The following PITPNM2 variants were observed in gnomAD, a reference collection of about 807,000 sequenced individuals.
PITPNM2 encodes membrane-associated phosphatidylinositol transfer protein 2.
PITPNM2 carries 35 observed loss-of-function variants against 132.2 expected under a neutral mutation model. The ratio of observed to expected loss-of-function variants is 0.26; its 90% confidence interval spans 0.20 to 0.35. The LOEUF is 0.35. Among genes scored for constraint, PITPNM2 ranks in the 10% least tolerant of loss-of-function variants. The pLI, the probability that PITPNM2 is intolerant of heterozygous loss-of-function variation, is 1.00. For synonymous variants in PITPNM2, 738 were observed against 799.2 expected, an observed-to-expected ratio of 0.92 and a Z score of 1.29; for missense variants, 1,332 against 1,912.0, an observed-to-expected ratio of 0.70 and a Z score of 5.66.
Position 123,031,904 on chromosome 12 carries a change from T to C in PITPNM2, c.78+2609A>G, listed in dbSNP as rs1357094798. Among the ~76,000 whole-genome samples, 3 of 152,190 alleles carry C rather than the reference T, an allele frequency of 2.0e-5. No homozygotes were observed. Among genetic ancestry groups the C allele is most frequent in the Non-Finnish European group, 4.4e-5 (3 of 68,032 alleles). ...AGCAGCAATGACTCCAGCTAGCCCT[T>C]AGAGGCCACAGTGTCTCTGCCTAGC... On this transcript the variant is annotated intron_variant, in intron 3 of 25. Transcript: ENST00000320201. This position sits in a 1 kb window ranked among gnomAD's most constrained non-coding sequence, Gnocchi z 4.5.
Position 123,023,991 on chromosome 12 carries a change from CACCTGTAG to C in PITPNM2, c.79-9957_79-9950del, listed in dbSNP as rs1183590528. On this transcript the variant is annotated intron_variant, in intron 3 of 25. Transcript: ENST00000320201. This position sits in a 1 kb window ranked among gnomAD's most constrained non-coding sequence, Gnocchi z 4.8. ...CAAAGGAGCTGGGCATGGTGCTGTA[CACCTGTAG>C]ACCTAGCTACTCCAGAGGTGAAGTT... is the stretch of plus-strand genomic sequence containing the variant. Among the ~76,000 whole-genome samples, 1 of 152,182 alleles carries C rather than the reference CACCTGTAG, an allele frequency of 6.6e-6. No homozygotes were observed. Among genetic ancestry groups the C allele is most frequent in the Non-Finnish European group, 1.5e-5 (1 of 68,040 alleles).
rs1427343575 is a variant in PITPNM2 at position 123,083,031 on chromosome 12, C to T, written c.-96+27354G>A. ...CACTGAGCATGTCTTATGGGTTCAT[C>T]CATGTGTCGTAGCATGTTCTTTTTA... On this transcript the variant is annotated intron_variant, in intron 2 of 25. Coordinates refer to ENST00000320201, the MANE Select transcript of PITPNM2 (RefSeq NM_020845.3). The surrounding 1 kb of genome is among the most constrained non-coding windows in gnomAD (Gnocchi z 4.5). 6.6e-6 allele frequency: 1 copy of T among 152,240 alleles called. No individual in the cohort carries two copies. The highest frequency in any genetic ancestry group is 1.5e-5 in the Non-Finnish European group (1 of 68,080). 9.4% of individuals were successfully genotyped at this position (152,240 alleles called of 1,614,324 possible).
chr12:123,026,160 T>C (rs922533292), intron 3 of PITPNM2, among the ~76,000 whole-genome samples: 1 of 152,228 alleles, frequency 6.6e-6, no homozygotes, highest in Non-Finnish European at 1.5e-5. Flanking sequence ...CACTTCTCTT[T>C]GGTGTCAATT....
At chr12:123,050,232 A>G (rs772803500) in intron 2 of PITPNM2, among the ~76,000 whole-genome samples, 4 of 152,196 alleles carry the variant, frequency 2.6e-5, no homozygotes, top group Non-Finnish European at 5.9e-5. Context: ...TGGGCCCTGA[A>G]TGAGATATGG....
chr12:123,007,282 G>A (rs1413635133), intron 6 of PITPNM2: 2 of 453,756 alleles, frequency 4.4e-6, no homozygotes, highest in Non-Finnish European at 8.9e-6. Context: ...GCATCCGTGT[G>A]TGTGTGAAAT....
chr12:123,017,236 G>C (rs2039462868), intron 3 of PITPNM2, among the ~76,000 whole-genome samples: 1 of 151,700 alleles, frequency 6.6e-6, no homozygotes, highest in African/African-American at 2.4e-5. Flanking sequence ...AGTCGTGTGT[G>C]GTGGCGCATG....
intron 1 of PITPNM2, among the ~76,000 whole-genome samples, chr12:123,114,264 C>T (rs546088362): frequency 1.3e-4 from 20 of 152,004 alleles, no homozygotes; most frequent in African/African-American, 4.8e-4. Context: ...ACAAGTAATG[C>T]ATCTGTATTT....
intron 2 of PITPNM2, among the ~76,000 whole-genome samples, chr12:123,059,596 G>T (rs1222974116): frequency 6.6e-6 from 1 of 152,238 alleles, no homozygotes; most frequent in Non-Finnish European, 1.5e-5. Flanking sequence ...CTCTTGGACA[G>T]TGGGAAGCTG....
At chr12:123,074,366 C>T (rs1275920474) in intron 2 of PITPNM2, among the ~76,000 whole-genome samples, 1 of 152,068 alleles carries the variant, frequency 6.6e-6, no homozygotes, top group Non-Finnish European at 1.5e-5. Context: ...TAAAGATGCC[C>T]AAATACAAAT....
At position 123,051,780 on chromosome 12, in the gene PITPNM2, A is replaced by G. The variant is rs2040863005; in HGVS notation, c.-95-17095T>C. On this transcript the variant is annotated intron_variant, in intron 2 of 25. Coordinates refer to ENST00000320201, the MANE Select transcript of PITPNM2 (RefSeq NM_020845.3). The stretch of plus-strand genomic sequence containing the variant: ...TTAGGATGAGGGTCTGTTTTTCCAG[A>G]GAGGGCTATATTTGCTCCAGCAAAT... Among the ~76,000 whole-genome samples, 2 of 152,202 alleles carry G rather than the reference A, an allele frequency of 1.3e-5. 1 individual carries two copies. The highest frequency in any genetic ancestry group is 4.1e-4 in the South Asian group (2 of 4,828).
intron 1 of PITPNM2, among the ~76,000 whole-genome samples, chr12:123,148,924 G>A (rs2137740077): frequency 6.6e-6 from 1 of 152,294 alleles, no homozygotes. Context: ...AGGCACCTGG[G>A]GAGAGGGAGG....
chr12:122,990,025 A>T, intron 17 of PITPNM2, 77 bp from the exon 18 acceptor site: 1 of 1,152,680 alleles, frequency 8.7e-7, no homozygotes, highest in Non-Finnish European at 1.1e-6. Context: ...GCCAGGCAGG[A>T]CACTGGGACA....
At chr12:123,085,825 C>G (rs1269842018) in intron 2 of PITPNM2, among the ~76,000 whole-genome samples, 1 of 152,214 alleles carries the variant, frequency 6.6e-6, no homozygotes, top group Non-Finnish European at 1.5e-5. Context: ...TAAAGCACAG[C>G]GCAGAGGCTC....
intron 3 of PITPNM2, among the ~76,000 whole-genome samples, chr12:123,018,903 C>A (rs1446203010): frequency 6.6e-6 from 1 of 151,452 alleles, no homozygotes. Context: ...CCTGCCTCAG[C>A]TGACCAAGTA....
Position 123,072,012 on chromosome 12 carries a change from G to A in PITPNM2, c.-95-37327C>T, listed in dbSNP as rs937624014. 2.0e-5 allele frequency among the ~76,000 whole-genome samples: 3 copies of A among 152,226 alleles called. No homozygotes were observed. The South Asian group carries it at 6.2e-4, about 32-fold the overall frequency. ...GCAAATGAAGTCAGGCGGAAGGAGT[G>A]TTTTAAATTTACCCATTCCCCATTC... On this transcript the variant is annotated intron_variant, in intron 2 of 25. Coordinates refer to ENST00000320201, the MANE Select transcript of PITPNM2 (RefSeq NM_020845.3).
At chr12:123,066,889 G>C (rs1030013884) in intron 2 of PITPNM2, among the ~76,000 whole-genome samples, 1 of 152,022 alleles carries the variant, frequency 6.6e-6, no homozygotes, top group Non-Finnish European at 1.5e-5. Flanking sequence ...AAAAGCCCTG[G>C]GTGTGTTTCC....
chr12:123,026,412 T>C (rs2039865279), intron 3 of PITPNM2, among the ~76,000 whole-genome samples: 1 of 152,266 alleles, frequency 6.6e-6, no homozygotes, highest in Admixed American at 6.5e-5. Flanking sequence ...CCTGCCTCTC[T>C]GGTTTCTGGC....
At chr12:122,989,613 C>A (rs1024702635) in intron 18 of PITPNM2, among the ~76,000 whole-genome samples, 174 bp downstream of exon 18, 2 of 152,148 alleles carry the variant, frequency 1.3e-5, no homozygotes, top group Non-Finnish European at 2.9e-5. Flanking sequence ...GGTCCCCCAC[C>A]CCACCAGACA....
At chr12:123,030,979 G>C (rs897579085) in intron 3 of PITPNM2, among the ~76,000 whole-genome samples, 15 of 152,246 alleles carry the variant, frequency 9.9e-5, no homozygotes, top group African/African-American at 3.4e-4. Flanking sequence ...TGATTGTCAG[G>C]GGGTGGGGAG....
Sources: gnomAD v4.1 joint callset for allele counts (sites outside exome capture counted in the v4.1 genomes callset) on GRCh38, gnomAD v4.1.1 for gene constraint, Gnocchi (gnomAD v3.1) non-coding constraint, MANE v1.5 for transcripts, NCBI Gene and HGNC (gene_info 2026-07-23, HGNC 2026-07-21) for gene names.